TTC29: variants seen among roughly 807,000 people sequenced by gnomAD.
TTC29 encodes tetratricopeptide repeat domain 29.
In TTC29, 49 loss-of-function variants were observed where a neutral mutation model predicts 58.1. That is an observed-to-expected ratio of 0.84 (90% CI 0.67 to 1.07). The LOEUF is 1.07. Ranked by LOEUF, TTC29 falls within the 50% of genes least tolerant of loss-of-function variation. TTC29 has a pLI of 0.00. For synonymous variants in TTC29, 209 were observed against 196.8 expected, an observed-to-expected ratio of 1.06 and a Z score of -0.52; for missense variants, 582 against 555.6, an observed-to-expected ratio of 1.05 and a Z score of -0.48.
At chr4:146,846,359 G>T (rs1394914511) in intron 8 of TTC29, among the ~76,000 whole-genome samples, 1 of 152,172 alleles carries the variant, frequency 6.6e-6, no homozygotes, top group Admixed American at 6.6e-5. Context: ...GCTAAGTGTG[G>T]ACCGGTGGGT....
intron 8 of TTC29, among the ~76,000 whole-genome samples, chr4:146,839,077 C>G (rs79528506): frequency 0.065 from 9,881 of 151,780 alleles, 423 homozygotes; most frequent in Admixed American, 0.13. Context: ...CAGAGTTGTA[C>G]GAAATAACAC....
chr4:146,747,428 C>T (rs1745631413), intron 11 of TTC29, among the ~76,000 whole-genome samples: 1 of 152,186 alleles, frequency 6.6e-6, no homozygotes, highest in African/African-American at 2.4e-5. Flanking sequence ...TGCCCTGCCT[C>T]TTAGGGCTAA....
chr4:146,885,301 CA>C (rs1731906148), intron 6 of TTC29, among the ~76,000 whole-genome samples: 1 of 151,858 alleles, frequency 6.6e-6, no homozygotes, highest in Non-Finnish European at 1.5e-5. Context: ...ATTTTGAGGG[CA>C]AAAATATATT....
At chr4:146,822,404 A>C (rs563361838) in intron 9 of TTC29, among the ~76,000 whole-genome samples, 2 of 152,204 alleles carry the variant, frequency 1.3e-5, no homozygotes, top group African/African-American at 2.4e-5. Context: ...TGTCCCCACA[A>C]AGCACATGAT....
At chr4:146,878,931 T>G (rs1731444445) in intron 6 of TTC29, among the ~76,000 whole-genome samples, 2 of 152,184 alleles carry the variant, frequency 1.3e-5, no homozygotes, top group Admixed American at 6.6e-5. Context: ...CTCAGGCACC[T>G]GTGGCCTCAT....
chr4:146,927,910 T>C (rs756172737), intron 4 of TTC29, among the ~76,000 whole-genome samples: 3 of 152,026 alleles, frequency 2.0e-5, no homozygotes, highest in Non-Finnish European at 4.4e-5. Flanking sequence ...ATGAATAGAG[T>C]ACCAATGATG....
At chr4:146,855,074 T>C (rs1248787299) in intron 8 of TTC29, among the ~76,000 whole-genome samples, 1 of 151,738 alleles carries the variant, frequency 6.6e-6, no homozygotes, top group Non-Finnish European at 1.5e-5. Context: ...AGATGGGTGA[T>C]TCGCTTGAGG....
chr4:146,817,980 C>T (rs1033798000), intron 10 of TTC29, among the ~76,000 whole-genome samples: 16 of 152,126 alleles, frequency 1.1e-4, no homozygotes, highest in African/African-American at 3.4e-4. Flanking sequence ...CATAAAAACC[C>T]TAGAAGAAAA....
In TTC29 at chr4:146,909,023, T is replaced by A. The variant is rs1213685634; in HGVS notation, c.400+3A>T. ...GTGCTCTGCCCACAGTCCCACCACT[T>A]ACCTTTCCTCTCAGCGTCCTCAGCC... On this transcript the variant is annotated splice_donor_region_variant and intron_variant, in intron 5 of 12. Coordinates refer to ENST00000325106, the MANE Select transcript of TTC29 (RefSeq NM_031956.4). 6.2e-7 allele frequency: 1 copy of A among 1,613,256 alleles called. No homozygotes were observed. The highest frequency in any genetic ancestry group is 8.5e-7 in the Non-Finnish European group (1 of 1,179,438).
At chr4:146,935,585 C>G (rs1735740562) in intron 4 of TTC29, among the ~76,000 whole-genome samples, 1 of 152,130 alleles carries the variant, frequency 6.6e-6, no homozygotes, top group African/African-American at 2.4e-5. Context: ...TCGTCTTAGT[C>G]TTCTCTGATT....
At chr4:146,757,536 TGAG>T (rs947684702) in intron 11 of TTC29, among the ~76,000 whole-genome samples, 4 of 152,154 alleles carry the variant, frequency 2.6e-5, no homozygotes, top group African/African-American at 9.7e-5. Context: ...AAAGTTAAGA[TGAG>T]GAGAAGAATC....
intron 8 of TTC29, among the ~76,000 whole-genome samples, chr4:146,855,789 A>T (rs991185061): frequency 6.6e-6 from 1 of 152,198 alleles, no homozygotes; most frequent in Non-Finnish European, 1.5e-5. Context: ...TTCTTTCTGA[A>T]GTTACCCCTT....
At chr4:146,741,702 T>C (rs1745164365) in intron 11 of TTC29, among the ~76,000 whole-genome samples, 1 of 152,184 alleles carries the variant, frequency 6.6e-6, no homozygotes, top group South Asian at 2.1e-4. Context: ...TAACATGTTC[T>C]AGCTGCCTGT....
At chr4:146,722,393 T>A (rs1284105713) in intron 11 of TTC29, among the ~76,000 whole-genome samples, 1 of 151,070 alleles carries the variant, frequency 6.6e-6, no homozygotes, top group African/African-American at 2.4e-5. Flanking sequence ...AAGCCAGAGG[T>A]CCCACACTAC....
intron 5 of TTC29, 125 bp from the exon 6 acceptor site, chr4:146,903,854 A>G: frequency 3.1e-6 from 2 of 655,602 alleles, no homozygotes; most frequent in Admixed American, 4.2e-5. Context: ...AATTTTAAAA[A>G]TTGGGTCTAA....
intron 10 of TTC29, among the ~76,000 whole-genome samples, chr4:146,806,446 T>C (rs1750620539): frequency 1.3e-5 from 2 of 152,188 alleles, no homozygotes; most frequent in Non-Finnish European, 2.9e-5. Flanking sequence ...GCAAATTTGA[T>C]AAAGACTGAA....
At chr4:146,885,017 T>C (rs903825195) in intron 6 of TTC29, among the ~76,000 whole-genome samples, 4 of 152,068 alleles carry the variant, frequency 2.6e-5, no homozygotes, top group African/African-American at 9.7e-5. Flanking sequence ...ACAAAGATGT[T>C]ATTATCTCAT....
intron 12 of TTC29, 25 bp downstream of exon 12, chr4:146,707,460 A>T: frequency 6.3e-6 from 10 of 1,584,426 alleles, no homozygotes; most frequent in Non-Finnish European, 7.8e-6. Context: ...TACTTAATAG[A>T]AACTTTTTAC....
intron 8 of TTC29, among the ~76,000 whole-genome samples, chr4:146,849,160 A>G (rs1055980804): frequency 1.7e-4 from 26 of 152,114 alleles, no homozygotes; most frequent in African/African-American, 6.3e-4. Flanking sequence ...CCATTTATAG[A>G]GCAAAACTAC....
Sources: allele counts gnomAD v4.1 joint callset (sites outside exome capture counted in the v4.1 genomes callset), GRCh38; gene constraint gnomAD v4.1.1; transcripts MANE v1.5; gene names NCBI Gene and HGNC (gene_info 2026-07-23, HGNC 2026-07-21).